The following MAGI2 variants were observed in gnomAD, a reference collection of about 807,000 sequenced individuals.
The protein encoded by MAGI2 is membrane-associated guanylate kinase, WW and PDZ domain-containing protein 2.
In MAGI2, 35 loss-of-function variants were observed where a neutral mutation model predicts 133.3. The observed-to-expected ratio is 0.26, with a 90% CI of 0.20 to 0.35. MAGI2 has a LOEUF of 0.35. MAGI2 is among the 10% of genes least tolerant of loss of function. MAGI2 has a pLI of 1.00. For synonymous variants in MAGI2, 729 were observed against 710.6 expected (o/e 1.03, Z -0.41); for missense variants, 1,636 against 1,863.4 (o/e 0.88, Z 2.25).
intron 1 of MAGI2, among the ~76,000 whole-genome samples, chr7:79,308,137 T>C (rs1163476287): frequency 6.6e-6 from 1 of 152,194 alleles, no homozygotes; most frequent in Non-Finnish European, 1.5e-5. Context: ...TTGAATGCTG[T>C]GTGTATGAAA....
rs183140817 is a variant in MAGI2, at chr7:79,004,274, C to T, written c.418+2816G>A. Among the ~76,000 whole-genome samples, 24 of 152,028 alleles carry T rather than the reference C, an allele frequency of 1.6e-4. No homozygotes were observed. In the East Asian group the frequency reaches 3.7e-3, roughly 23 times the overall value. ...ATATAGATGATGGAATACTCTTCAA[C>T]CATAAAAAAAATAAAATCCTGTCAT... On this transcript the variant is annotated intron_variant, in intron 2 of 21. Coordinates refer to ENST00000354212, the MANE Select transcript of MAGI2 (RefSeq NM_012301.4).
intron 1 of MAGI2, among the ~76,000 whole-genome samples, chr7:79,376,042 T>C (rs2129138176): frequency 6.6e-6 from 1 of 151,996 alleles, no homozygotes; most frequent in East Asian, 1.9e-4. Context: ...TTTTTCATTT[T>C]TGGTCCAAAG....
At chr7:78,846,531 T>C (rs1396579417) in intron 2 of MAGI2, among the ~76,000 whole-genome samples, 2 of 151,932 alleles carry the variant, frequency 1.3e-5, no homozygotes, top group Non-Finnish European at 2.9e-5. Flanking sequence ...GTTTATCTTG[T>C]GAAGATAACA....
intron 2 of MAGI2, among the ~76,000 whole-genome samples, chr7:78,862,312 T>C (rs1002073923): frequency 2.6e-5 from 4 of 152,232 alleles, no homozygotes; most frequent in Non-Finnish European, 5.9e-5. Flanking sequence ...ATGTGGACTT[T>C]AGGTCTCCTG....
At chr7:78,798,514 GA>G (rs1787799191) in intron 2 of MAGI2, among the ~76,000 whole-genome samples, 1 of 152,156 alleles carries the variant, frequency 6.6e-6, no homozygotes, top group Non-Finnish European at 1.5e-5. Context: ...GAATGGGCCT[GA>G]TGGGCTACAT....
chr7:79,123,380 A>G lies in MAGI2; in HGVS notation c.302-116174T>C, dbSNP rs575043800. ...TATCGGTTTAAATTTTGGCTCCGTC[A>G]TTTACCAGCTGCATGAACTTGGTCA... On this transcript the variant is annotated intron_variant, in intron 1 of 21. Coordinates refer to ENST00000354212, the MANE Select transcript of MAGI2 (RefSeq NM_012301.4). Among the ~76,000 whole-genome samples the G allele has an allele frequency of 1.8e-4, 27 of 152,288 alleles. No homozygotes were observed. In the South Asian group the frequency reaches 5.4e-3, roughly 30 times the overall value.
In MAGI2 at chr7:79,076,476, C is replaced by T. The variant is rs1815472845; in HGVS notation, c.302-69270G>A. ...CAAATCAAGAATGACAATGATAGAG[C>T]TTAGCAGGGTTCTTTTGAGATGTCA... On this transcript the variant is annotated intron_variant, in intron 1 of 21. Transcript: ENST00000354212. Among the ~76,000 whole-genome samples, 3 of 152,212 alleles carry T rather than the reference C, an allele frequency of 2.0e-5. No individual in the cohort carries two copies. In the South Asian group the frequency reaches 6.2e-4, roughly 32 times the overall value.
chr7:78,557,097 A>AAAAAAAAAAAAAAAAAAAAAAAAAG (rs1554473311), intron 3 of MAGI2, among the ~76,000 whole-genome samples: 2 of 138,950 alleles, frequency 1.4e-5, no homozygotes, highest in African/African-American at 6.0e-5. Context: ...AAAAAAAAAA[A>AAAAAAAAAAAAAAAAAAAAAAAAAG]AAAGAAAAAG....
intron 9 of MAGI2, among the ~76,000 whole-genome samples, chr7:78,322,896 T>C (rs565664648): frequency 1.3e-5 from 2 of 152,134 alleles, no homozygotes; most frequent in East Asian, 3.8e-4. Context: ...CATATATATA[T>C]GTTTCAGTTT....
At chr7:79,085,681 C>T (rs898841115) in intron 1 of MAGI2, among the ~76,000 whole-genome samples, 2 of 151,840 alleles carry the variant, frequency 1.3e-5, no homozygotes, top group East Asian at 3.9e-4. Flanking sequence ...AGTATCTTTC[C>T]TGGACTAGTT....
At chr7:78,583,875 C>T (rs904912266) in intron 3 of MAGI2, among the ~76,000 whole-genome samples, 2 of 152,116 alleles carry the variant, frequency 1.3e-5, no homozygotes, top group Non-Finnish European at 1.5e-5. Flanking sequence ...GTAATTGAGT[C>T]CTTATAATGG....
intron 1 of MAGI2, among the ~76,000 whole-genome samples, chr7:79,404,904 A>T (rs1316578299): frequency 6.6e-6 from 1 of 152,050 alleles, no homozygotes; most frequent in Non-Finnish European, 1.5e-5. Flanking sequence ...CCCAAAGGAG[A>T]CCAAAGGAGA....
intron 1 of MAGI2, among the ~76,000 whole-genome samples, chr7:79,073,641 C>T (rs950231505): frequency 3.3e-5 from 5 of 152,010 alleles, no homozygotes; most frequent in African/African-American, 7.3e-5. Context: ...CACAATACTG[C>T]AGGGAGTCTT....
At chr7:79,130,515 G>A (rs1252128690) in intron 1 of MAGI2, among the ~76,000 whole-genome samples, 1 of 152,096 alleles carries the variant, frequency 6.6e-6, no homozygotes, top group African/African-American at 2.4e-5. Context: ...AAGCACCCAC[G>A]CATTCACATC....
chr7:78,580,192 A>C (rs926970613), intron 3 of MAGI2, among the ~76,000 whole-genome samples: 1 of 152,230 alleles, frequency 6.6e-6, no homozygotes, highest in African/African-American at 2.4e-5. Context: ...TTGAAATTTA[A>C]AAATTAATAA....
At chr7:78,046,602 G>T (rs1364612547) in intron 21 of MAGI2, among the ~76,000 whole-genome samples, 2 of 152,084 alleles carry the variant, frequency 1.3e-5, no homozygotes, top group Non-Finnish European at 2.9e-5. Context: ...GCTCTGACAA[G>T]GTGAGATATG....
intron 9 of MAGI2, among the ~76,000 whole-genome samples, chr7:78,318,385 G>A (rs1238881075): frequency 6.6e-6 from 1 of 151,998 alleles, no homozygotes; most frequent in Non-Finnish European, 1.5e-5. Flanking sequence ...AGATTGAAGA[G>A]CAACTCAATG....
chr7:79,313,334 G>C (rs17152223), intron 1 of MAGI2, among the ~76,000 whole-genome samples: 23,289 of 152,002 alleles, frequency 0.15, 1,877 homozygotes, highest in South Asian at 0.26. Flanking sequence ...ATATCTGCAG[G>C]CTCTCTCCTT....
Position 79,123,785 on chromosome 7 carries a change from CAAAAAAAAAAAA to C in MAGI2, c.302-116591_302-116580del, listed in dbSNP as rs71095377. ...TGGGCGACAGAGTGAGACTCCATCT[CAAAAAAAAAAAA>C]AAAAAAAAAAGAGATAACGCACATC... On this transcript the variant is annotated intron_variant, in intron 1 of 21. Transcript: ENST00000354212. Among the ~76,000 whole-genome samples the C allele has an allele frequency of 7.4e-4, 45 of 60,764 alleles. 1 individual carries two copies. The highest frequency in any genetic ancestry group is 2.8e-3 in the African/African-American group (41 of 14,632). The allele number at this position is 60,764 out of a possible 152,430, so 39.9% of individuals were successfully genotyped here.
Sources: gnomAD v4.1 joint callset for allele counts (sites outside exome capture counted in the v4.1 genomes callset) on GRCh38, gnomAD v4.1.1 for gene constraint, MANE v1.5 for transcripts, NCBI Gene and HGNC (gene_info 2026-07-23, HGNC 2026-07-21) for gene names.